The following MIDEAS variants were observed in gnomAD, a reference collection of about 807,000 sequenced individuals.
MIDEAS encodes mitotic deacetylase-associated SANT domain protein.
Under a neutral mutation model 102.7 loss-of-function variants are expected in MIDEAS, and 26 were observed. The observed-to-expected ratio is 0.25, with a 90% confidence interval of 0.19 to 0.35. The LOEUF is 0.35. MIDEAS is among the 10% of genes least tolerant of loss of function. The pLI is 1.00. For synonymous variants in MIDEAS, 585 were observed against 591.0 expected (o/e 0.99, Z 0.15); for missense variants, 1,231 against 1,435.6 (o/e 0.86, Z 2.30).
At chr14:73,773,642 C>T (rs1401313091) in intron 1 of MIDEAS, among the ~76,000 whole-genome samples, 2 of 151,934 alleles carry the variant, frequency 1.3e-5, no homozygotes, top group African/African-American at 2.4e-5. Flanking sequence ...ACAATATAAG[C>T]CCTGTGCTCA....
intron 4 of MIDEAS, chr14:73,727,796 G>C: frequency 4.8e-6 from 2 of 418,902 alleles, no homozygotes; most frequent in Non-Finnish European, 8.5e-6. Flanking sequence ...ATAAAATAAT[G>C]CACAGAGCCT....
rs2052896505 is a variant in MIDEAS, at chr14:73,716,706, A to AAT, written c.*2136_*2137insAT. On this transcript the variant is annotated 3_prime_UTR_variant, in exon 13 of 13. Transcript: ENST00000423556. ...TCAAAAAAAAAAAAAAAAAAAAAAA[A>AAT]AAATTTTTTTTCCAAGTACAAGATG... The AAT allele has an allele frequency of 1.5e-5, 2 of 131,260 alleles. No individual in the cohort carries two copies. Among genetic ancestry groups the AAT allele is most frequent in the African/African-American group, 5.1e-5 (2 of 39,394 alleles). The allele number at this position is 131,260 out of a possible 1,614,324, so 8.1% of individuals were successfully genotyped here. A position where few individuals can be genotyped will look rare whatever the true frequency, so the allele number is the denominator to read the frequency against.
At chr14:73,719,224 C>CCCCGGCCCG in intron 12 of MIDEAS, 81 bp downstream of exon 12, 4 of 1,395,242 alleles carry the variant, frequency 2.9e-6, no homozygotes, top group Non-Finnish European at 3.8e-6. Flanking sequence ...GTACCTCTTC[C>CCCCGGCCCG]CCCTCCCCTC....
intron 1 of MIDEAS, chr14:73,758,704 G>A (rs2053516589): frequency 6.5e-6 from 1 of 154,440 alleles, no homozygotes; most frequent in Non-Finnish European, 1.5e-5. Flanking sequence ...AGTTTTAAAT[G>A]GGGCATATAA....
chr14:73,777,881 T>C (rs979555579), intron 1 of MIDEAS, among the ~76,000 whole-genome samples: 1 of 151,966 alleles, frequency 6.6e-6, no homozygotes, highest in Non-Finnish European at 1.5e-5. Context: ...AGAGCTTAAC[T>C]GCTCTTGACT....
At chr14:73,763,034 T>C (rs991113533), upstream of MIDEAS, among the ~76,000 whole-genome samples, 4 of 152,124 alleles carry the variant, frequency 2.6e-5, no homozygotes, top group Non-Finnish European at 4.4e-5. Context: ...ATCTAGACCA[T>C]TAAAATCTTC....
chr14:73,756,150 C>T (rs1454983135), intron 1 of MIDEAS, among the ~76,000 whole-genome samples: 1 of 152,084 alleles, frequency 6.6e-6, no homozygotes, highest in Non-Finnish European at 1.5e-5. Flanking sequence ...CCAGGAACGG[C>T]GTTCTGAGTG....
intron 3 of MIDEAS, among the ~76,000 whole-genome samples, chr14:73,734,606 T>C (rs2053179985): frequency 1.3e-5 from 2 of 152,000 alleles, no homozygotes; most frequent in South Asian, 4.2e-4. Context: ...TTTTTTGTTT[T>C]TTTGTAGAGA....
chr14:73,729,669 T>C lies in MIDEAS; in HGVS notation c.2066A>G (p.Lys689Arg), dbSNP rs2053111202. 6.2e-7 allele frequency: 1 copy of C among 1,613,130 alleles called. No individual in the cohort carries two copies. The highest frequency in any genetic ancestry group is 8.5e-7 in the Non-Finnish European group (1 of 1,179,722). The change falls in exon 4 of 13, where the codon AAG (lysine) becomes AGG (arginine). Residue 689 changes from lysine (K) to arginine (R), a missense_variant. This residue lies in a region of MIDEAS where 391 missense variants were observed against 483.0 expected (regional missense o/e 0.81). Transcript: ENST00000423556. ...CCGGAGCAGCGTGCGATGGGCACTC[T>C]TAGGCGTGATGGGAGGAGGGGCAGG... ...TIPAPPPITP[K>R]SAHRTLLRTN...
Position 73,739,022 on chromosome 14 carries a change from T to G in MIDEAS, c.987A>C (p.Ser329=). The part of the protein sequence containing the change: ...PELRKALLQD[S]APQPALPQVQ... ...CCTGAGGTAGCGCTGGCTGCGGGGC[T>G]GAGTCCTGCAGAAGGGCCTTGCGCA... Residue 329 remains serine (S), a synonymous_variant, in exon 2 of 13, where the codon TCA becomes TCC. Coordinates refer to ENST00000423556, the MANE Select transcript of MIDEAS (RefSeq NM_001367710.1). 1 of 1,543,164 alleles carries G rather than the reference T, an allele frequency of 6.5e-7. No individual in the cohort carries two copies. The highest frequency in any genetic ancestry group is 8.7e-7 in the Non-Finnish European group (1 of 1,143,632).
At chr14:73,781,363 A>T (rs1369251206) in intron 1 of MIDEAS, among the ~76,000 whole-genome samples, 1 of 152,174 alleles carries the variant, frequency 6.6e-6, no homozygotes, top group Non-Finnish European at 1.5e-5. Flanking sequence ...GATTTATTAA[A>T]CTCAGTTTAT....
At chr14:73,785,633 C>T (rs1034144735) in intron 1 of MIDEAS, among the ~76,000 whole-genome samples, 1 of 152,236 alleles carries the variant, frequency 6.6e-6, no homozygotes, top group East Asian at 1.9e-4. Context: ...CAGCCCCAAC[C>T]CAGCCACCCG....
chr14:73,733,123 A>G (rs759475083), intron 3 of MIDEAS, among the ~76,000 whole-genome samples: 1 of 152,038 alleles, frequency 6.6e-6, no homozygotes, highest in Non-Finnish European at 1.5e-5. Flanking sequence ...AACAAAGCTG[A>G]AGTTTAGGGC....
chr14:73,729,927 C>T lies in MIDEAS; in HGVS notation c.1808G>A (p.Arg603Gln). Reference sequence around the variant, plus strand: ...GATGATGAGGGGCTCGGGCCTGGGCCGCTGCTTTGGTTTCCGCACGGAAGG... The same window carrying T: ...GATGATGAGGGGCTCGGGCCTGGGCTGCTGCTTTGGTTTCCGCACGGAAGG... ...GEPSVRKPKQ[R>Q]PRPEPLIIPT... The change falls in exon 4 of 13, where the codon CGG becomes CAG. Residue 603 changes from arginine to glutamine, a missense_variant. Arg to Gln is a conservative substitution (Grantham distance 43). This residue lies in a region of MIDEAS where 758 missense variants were observed against 856.0 expected (regional missense o/e 0.89). Transcript: ENST00000423556. The T allele has an allele frequency of 2.5e-6, 4 of 1,607,548 alleles. No homozygotes were observed. Among genetic ancestry groups the T allele is most frequent in the Non-Finnish European group, 3.4e-6 (4 of 1,175,418 alleles).
At chr14:73,726,322 C>A (rs915229780) in intron 7 of MIDEAS, among the ~76,000 whole-genome samples, 9 of 152,144 alleles carry the variant, frequency 5.9e-5, no homozygotes, top group African/African-American at 1.9e-4. Flanking sequence ...GTCCATGGCC[C>A]CAAGGGAGGC....
At chr14:73,788,683 A>G (rs1379065524), upstream of MIDEAS, among the ~76,000 whole-genome samples, 1 of 152,234 alleles carries the variant, frequency 6.6e-6, no homozygotes, top group Non-Finnish European at 1.5e-5. Context: ...AGACTCAATA[A>G]TTAAAGTTCC....
intron 3 of MIDEAS, among the ~76,000 whole-genome samples, chr14:73,735,087 T>G (rs539121586): frequency 2.0e-5 from 3 of 152,162 alleles, no homozygotes; most frequent in Non-Finnish European, 4.4e-5. Flanking sequence ...GAATGGTGGT[T>G]ACCAAGGGTT....
chr14:73,719,236 A>ACCCCCC, intron 12 of MIDEAS, 69 bp downstream of exon 12: 12 of 420,188 alleles, frequency 2.9e-5, no homozygotes, highest in Admixed American at 1.3e-4. Flanking sequence ...CCTCCCCTCC[A>ACCCCCC]CCCCACCCCC....
At position 73,739,509 on chromosome 14, in the gene MIDEAS, C is replaced by A; in HGVS notation, c.500G>T (p.Arg167Leu). The change falls in exon 2 of 13, where the codon CGG (arginine) becomes CTG (leucine). Residue 167 changes from arginine (R) to leucine (L), a missense_variant. Coordinates refer to ENST00000423556, the MANE Select transcript of MIDEAS (RefSeq NM_001367710.1). ...CAGCTGTGGGCCCCCCGCTTTCTCC[C>A]GCTTCAGTGCCTCAGGGTGGTTATA... Reference protein sequence around the residue: ...TYYNHPEALKREKAGGPQLDR... With the variant: ...TYYNHPEALKLEKAGGPQLDR... The A allele has an allele frequency of 6.2e-7, 1 of 1,613,612 alleles. No homozygotes were observed. The highest frequency in any genetic ancestry group is 8.5e-7 in the Non-Finnish European group (1 of 1,179,692).
Sources: gnomAD v4.1 joint callset for allele counts (sites outside exome capture counted in the v4.1 genomes callset) on GRCh38, gnomAD v4.1.1 for gene constraint, gnomAD v4.1.1 regional missense constraint, MANE v1.5 for transcripts, NCBI Gene and HGNC (gene_info 2026-07-23, HGNC 2026-07-21) for gene names.